CDKN2B-AS1: variants seen among roughly 807,000 people sequenced by gnomAD.
CDKN2B-AS1 encodes CDKN2B and CDKN2A antisense cis and trans regulatory RNA 1, also known as CDKN2B antisense RNA 1 (non-protein coding).
chr9:22,062,853 G>A (rs1823877101), intron 4 of CDKN2B-AS1, among the ~76,000 whole-genome samples: 2 of 151,856 alleles, frequency 1.3e-5, no homozygotes. Flanking sequence ...AGATATTGTT[G>A]ATGAATTGGG....
rs569457465 is a variant in CDKN2B-AS1 at position 21,997,187 on chromosome 9, A to G, written n.29+2026A>G. On this transcript the variant is annotated intron_variant and non_coding_transcript_variant, in intron 1 of 4. Transcript: ENST00000650946. This position sits in a 1 kb window ranked among gnomAD's most constrained non-coding sequence, Gnocchi z 4.8. Reference sequence around the variant, plus strand: ...CTCCTAGGCTGCAAACCTTTACAACATGTTACTATACTGAATACTGTAGAT... The same window carrying G: ...CTCCTAGGCTGCAAACCTTTACAACGTGTTACTATACTGAATACTGTAGAT... Among the ~76,000 whole-genome samples the G allele has an allele frequency of 2.4e-4, 37 of 152,310 alleles. No individual in the cohort carries two copies. The highest frequency in any genetic ancestry group is 1.7e-3 in the East Asian group (9 of 5,180).
At chr9:22,004,945 T>C (rs891936253) in intron 1 of CDKN2B-AS1, 5 of 233,192 alleles carry the variant, frequency 2.1e-5, no homozygotes, top group African/African-American at 1.1e-4. Flanking sequence ...AACAGTGCCA[T>C]TGCTACATTT....
intron 1 of CDKN2B-AS1, chr9:22,009,305 T>C (rs1478690837): frequency 9.2e-6 from 4 of 432,938 alleles, no homozygotes; most frequent in South Asian, 5.6e-5. Flanking sequence ...TCTGGCAGAG[T>C]GGGGAGCCAG....
intron 4 of CDKN2B-AS1, among the ~76,000 whole-genome samples, chr9:22,099,664 C>A (rs1825413664): frequency 6.6e-6 from 1 of 151,664 alleles, no homozygotes; most frequent in Admixed American, 6.6e-5. Context: ...GTAGTCCAGG[C>A]AAGAAATACT....
intron 4 of CDKN2B-AS1, among the ~76,000 whole-genome samples, chr9:22,081,706 T>A (rs1266606523): frequency 6.6e-6 from 1 of 152,240 alleles, no homozygotes; most frequent in African/African-American, 2.4e-5. Flanking sequence ...CTATTAGTTG[T>A]GTAATCTTGA....
At chr9:22,095,272 A>C (rs1250393698) in intron 4 of CDKN2B-AS1, among the ~76,000 whole-genome samples, 1 of 144,810 alleles carries the variant, frequency 6.9e-6, no homozygotes, top group African/African-American at 2.9e-5. Flanking sequence ...GACCCACCTG[A>C]GGAGGCAGTC....
intron 1 of CDKN2B-AS1, chr9:22,012,128 C>T (rs1488571326): frequency 2.1e-5 from 21 of 1,023,316 alleles, no homozygotes; most frequent in Non-Finnish European, 2.9e-5. Flanking sequence ...TTTTCTTCAG[C>T]GAGGCAGCCG....
At chr9:22,038,495 TCTTTTA>T (rs918403917) in intron 1 of CDKN2B-AS1, among the ~76,000 whole-genome samples, 55 of 152,110 alleles carry the variant, frequency 3.6e-4, no homozygotes, top group Admixed American at 2.3e-3. Context: ...CTTTTAAAAA[TCTTTTA>T]CTTTTAAGAG....
At chr9:22,102,151 G>T (rs1376288461) in intron 4 of CDKN2B-AS1, among the ~76,000 whole-genome samples, 1 of 152,184 alleles carries the variant, frequency 6.6e-6, no homozygotes, top group African/African-American at 2.4e-5. Flanking sequence ...TGGTAACTGA[G>T]ATGCATCTGA....
chr9:22,083,865 T>C (rs1489941001), intron 4 of CDKN2B-AS1, among the ~76,000 whole-genome samples: 2 of 152,178 alleles, frequency 1.3e-5, no homozygotes, highest in African/African-American at 4.8e-5. Flanking sequence ...TAGATTTAGA[T>C]ATGGAGGACA....
intron 4 of CDKN2B-AS1, among the ~76,000 whole-genome samples, chr9:22,068,505 C>T (rs937712123): frequency 2.6e-5 from 4 of 152,034 alleles, no homozygotes; most frequent in African/African-American, 9.7e-5. Flanking sequence ...GTACCAAGCC[C>T]GAGTTTGACA....
rs751280469 is a variant in CDKN2B-AS1, at chr9:22,006,182, G to A, written n.29+11021G>A. The A allele has an allele frequency of 6.2e-6, 10 of 1,609,536 alleles. No individual in the cohort carries two copies. The highest frequency in any genetic ancestry group is 2.2e-5 in the East Asian group (1 of 44,870). On this transcript the variant is annotated intron_variant and non_coding_transcript_variant, in intron 1 of 4. Transcript: ENST00000650946. This position sits in a 1 kb window ranked among gnomAD's most constrained non-coding sequence, Gnocchi z 6.4. The stretch of plus-strand genomic sequence containing the variant: ...GTCGGGTGAGAGTGGCAGGGTCTGC[G>A]CAGTTGGGCTCCGCGCCGTGGAGCA...
intron 4 of CDKN2B-AS1, among the ~76,000 whole-genome samples, chr9:22,106,152 G>A (rs113708039): frequency 1.3e-3 from 204 of 152,124 alleles, no homozygotes; most frequent in African/African-American, 4.7e-3. Context: ...GCATGAACTC[G>A]GCTCACTGCA....
intron 4 of CDKN2B-AS1, chr9:22,117,494 A>G (rs1825981923): frequency 6.6e-6 from 1 of 152,286 alleles, no homozygotes; most frequent in Non-Finnish European, 1.5e-5. Flanking sequence ...AACAAAAAGC[A>G]GCAACTCATT....
rs1238264181 is a variant in CDKN2B-AS1, at chr9:22,039,273, T to G, written n.30-7478T>G. ...AAGCCATGTCAACTTACTGGTTTAA[T>G]TTCCTGTGAGCTTCCCATGTTCTCT... On this transcript the variant is annotated intron_variant and non_coding_transcript_variant, in intron 1 of 4. Coordinates refer to ENST00000650946, the Ensembl canonical transcript of CDKN2B-AS1. This position sits in a 1 kb window ranked among gnomAD's most constrained non-coding sequence, Gnocchi z 4.4. Among the ~76,000 whole-genome samples, 1 of 152,002 alleles carries G rather than the reference T, an allele frequency of 6.6e-6. No homozygotes were observed. Among genetic ancestry groups the G allele is most frequent in the Non-Finnish European group, 1.5e-5 (1 of 67,960 alleles).
chr9:22,068,671 T>C (rs566404671), intron 4 of CDKN2B-AS1, among the ~76,000 whole-genome samples: 1 of 152,362 alleles, frequency 6.6e-6, no homozygotes, highest in Admixed American at 6.5e-5. Context: ...AGCATTGCAT[T>C]ACTGAATGAG....
intron 1 of CDKN2B-AS1, among the ~76,000 whole-genome samples, chr9:22,036,506 C>CT (rs1486850546): frequency 3.9e-5 from 6 of 152,086 alleles, no homozygotes; most frequent in Admixed American, 1.3e-4. Context: ...TTTCGTCCTG[C>CT]TTTTTTCACT....
chr9:22,015,228 A>G (rs1386404047), intron 1 of CDKN2B-AS1, among the ~76,000 whole-genome samples: 1 of 152,204 alleles, frequency 6.6e-6, no homozygotes, highest in East Asian at 1.9e-4. Flanking sequence ...TCCCACCAAC[A>G]GTGTAAAAGT....
intron 3 of CDKN2B-AS1, among the ~76,000 whole-genome samples, chr9:22,054,704 T>G (rs1443600489): frequency 6.7e-6 from 1 of 150,338 alleles, no homozygotes; most frequent in Non-Finnish European, 1.5e-5. Flanking sequence ...TTTATTTATT[T>G]TTTTAAATTT....
Sources: gnomAD v4.1 joint callset for allele counts (sites outside exome capture counted in the v4.1 genomes callset) on GRCh38, gnomAD v4.1.1 for gene constraint, Gnocchi (gnomAD v3.1) non-coding constraint, MANE v1.5 for transcripts, NCBI Gene and HGNC (gene_info 2026-07-23, HGNC 2026-07-21) for gene names.